Variants in FOXP1 observed in about 807,000 individuals in gnomAD.
The protein encoded by FOXP1 is forkhead box protein P1.
In FOXP1, 15 loss-of-function variants were observed where a neutral mutation model predicts 98.2. The ratio of observed to expected loss-of-function variants is 0.15; its 90% CI spans 0.10 to 0.24. FOXP1 has a LOEUF of 0.24. FOXP1 is among the 10% of genes least tolerant of loss of function. The probability of loss-of-function intolerance (pLI) is 1.00; values close to 1 mark genes in which losing one functional copy is unlikely to be tolerated. For synonymous variants in FOXP1, 371 were observed against 314.5 expected (o/e 1.18, Z -1.90); for missense variants, 633 against 848.5 (o/e 0.75, Z 3.15).
rs2048371837 is a variant in FOXP1, at chr3:71,583,662, ACACT to A, written c.-542_-539del. 8 of 984,014 alleles carry A rather than the reference ACACT, an allele frequency of 8.1e-6. No individual in the cohort carries two copies. Among genetic ancestry groups the A allele is most frequent in the South Asian group, 4.7e-5 (1 of 21,252 alleles). The allele number at this position is 984,014 out of a possible 1,614,324, so 61.0% of individuals were successfully genotyped here. On this transcript the variant is annotated 5_prime_UTR_variant, in exon 1 of 21. Transcript: ENST00000649528. ...CCGCCCGCGCGCGCACCCCGCGCAC[ACACT>A]CACTCGCGCACACACGCGCGCACAC...
At chr3:71,393,231 G>A (rs1052913819) in intron 3 of FOXP1, among the ~76,000 whole-genome samples, 14 of 151,944 alleles carry the variant, frequency 9.2e-5, no homozygotes, top group African/African-American at 3.4e-4. Flanking sequence ...GGTCAGGTTT[G>A]GTGTGAAAAT....
At chr3:71,486,952 G>C (rs1052641829) in intron 3 of FOXP1, among the ~76,000 whole-genome samples, 1 of 152,112 alleles carries the variant, frequency 6.6e-6, no homozygotes, top group African/African-American at 2.4e-5. Flanking sequence ...TATGCAAAAG[G>C]AAAATGTAAG....
intron 6 of FOXP1, chr3:71,130,758 C>T (rs981296433): frequency 2.8e-6 from 4 of 1,445,784 alleles, no homozygotes; most frequent in Non-Finnish European, 3.6e-6. Flanking sequence ...GACAAAGAAA[C>T]CACAAGAATT....
chr3:71,368,585 T>C (rs938223444), intron 3 of FOXP1, among the ~76,000 whole-genome samples: 5 of 124,264 alleles, frequency 4.0e-5, no homozygotes, highest in African/African-American at 1.2e-4. Context: ...CAAACCTCAG[T>C]AGCTAAAACC....
chr3:71,533,492 C>T (rs1472036616), intron 2 of FOXP1, among the ~76,000 whole-genome samples: 1 of 152,050 alleles, frequency 6.6e-6, no homozygotes, highest in African/African-American at 2.4e-5. Context: ...TGTTAATTGA[C>T]TGTTTATGTT....
intron 13 of FOXP1, among the ~76,000 whole-genome samples, 168 bp from the exon 14 acceptor site, chr3:70,988,245 C>T (rs541371772): frequency 2.6e-5 from 4 of 152,260 alleles, no homozygotes; most frequent in Admixed American, 6.5e-5. Flanking sequence ...TCGAAGTAAC[C>T]GGAGGTGTTG....
intron 11 of FOXP1, among the ~76,000 whole-genome samples, chr3:71,021,366 T>C (rs140155357): frequency 4.6e-5 from 7 of 152,364 alleles, no homozygotes; most frequent in Admixed American, 2.0e-4. Context: ...ACTGTAGCAT[T>C]TACTAGTACT....
chr3:71,306,360 A>G (rs1043110515), intron 4 of FOXP1, among the ~76,000 whole-genome samples: 1 of 152,132 alleles, frequency 6.6e-6, no homozygotes, highest in Non-Finnish European at 1.5e-5. Context: ...TAGTATACCC[A>G]TCCCTGGAGT....
intron 6 of FOXP1, among the ~76,000 whole-genome samples, chr3:71,143,114 G>A (rs1031307937): frequency 6.6e-6 from 1 of 152,164 alleles, no homozygotes; most frequent in East Asian, 1.9e-4. Flanking sequence ...GGTGAGGGAC[G>A]TCTTGGGAAA....
Position 71,232,987 on chromosome 3 carries a change from T to C in FOXP1, c.-11-34595A>G, listed in dbSNP as rs528974158. ...CGACTACTACTACTACTACTACTAA[T>C]AATAATAAAAACATAAGCTAGGTGT... is the stretch of plus-strand genomic sequence containing the variant. On this transcript the variant is annotated intron_variant, in intron 5 of 20. Transcript: ENST00000649528. Among the ~76,000 whole-genome samples, 7 of 147,190 alleles carry C rather than the reference T, an allele frequency of 4.8e-5. No individual in the cohort carries two copies. The South Asian group carries it at 1.1e-3, about 23-fold the overall frequency.
chr3:71,112,409 CA>C, intron 7 of FOXP1, 126 bp downstream of exon 7: 1 of 817,018 alleles, frequency 1.2e-6, no homozygotes, highest in African/African-American at 1.7e-5. Context: ...GCTGGTAAAC[CA>C]AAAATGCACT....
intron 4 of FOXP1, among the ~76,000 whole-genome samples, chr3:71,311,859 T>C (rs2074708355): frequency 6.6e-6 from 1 of 152,132 alleles, no homozygotes; most frequent in African/African-American, 2.4e-5. Context: ...TTCCATCCCA[T>C]TTCCTTTCCC....
chr3:71,544,585 A>G (rs923079549), intron 2 of FOXP1, among the ~76,000 whole-genome samples: 4 of 152,206 alleles, frequency 2.6e-5, no homozygotes, highest in Admixed American at 2.0e-4. Context: ...AGGAATGGCT[A>G]AACAATCTTT....
chr3:71,462,943 T>A (rs547439431), intron 3 of FOXP1, among the ~76,000 whole-genome samples: 1 of 152,294 alleles, frequency 6.6e-6, no homozygotes, highest in African/African-American at 2.4e-5. Flanking sequence ...AACCACCTCC[T>A]ACGCCCCATC....
chr3:71,199,041 A>G (rs1434616378), intron 5 of FOXP1, among the ~76,000 whole-genome samples: 3 of 151,604 alleles, frequency 2.0e-5, no homozygotes, highest in African/African-American at 7.3e-5. Context: ...CCAGCAAGTC[A>G]TCCTATAGAG....
At chr3:71,414,407 A>C (rs1230685254) in intron 3 of FOXP1, among the ~76,000 whole-genome samples, 1 of 152,178 alleles carries the variant, frequency 6.6e-6, no homozygotes, top group African/African-American at 2.4e-5. Context: ...AAGGCCAGGA[A>C]AATCCCAGTC....
chr3:71,005,790 T>C (rs1316571342), intron 12 of FOXP1, among the ~76,000 whole-genome samples: 1 of 152,158 alleles, frequency 6.6e-6, no homozygotes, highest in Admixed American at 6.6e-5. Flanking sequence ...GCTTCCTTTC[T>C]GCCTGTGAGA....
At chr3:71,403,197 T>C (rs1297385405) in intron 3 of FOXP1, among the ~76,000 whole-genome samples, 1 of 152,216 alleles carries the variant, frequency 6.6e-6, no homozygotes, top group Non-Finnish European at 1.5e-5. Context: ...TCCTCATGTG[T>C]TCATGTGTGG....
In FOXP1 at chr3:70,977,914, G is replaced by T. The variant is rs1370366831; in HGVS notation, c.1262C>A (p.Pro421His). Residue 421 changes from proline (P) to histidine (H), a missense_variant, in exon 15 of 21, where the codon CCC becomes CAC. Transcript: ENST00000649528. ...CATGCTGGTGGTTGTGATGACAGAG[G>T]GGCCTTGGGTGACGGGAGTCAGGGG... ...TAPLTPVTQG[P>H]SVITTTSMHT... The T allele has an allele frequency of 6.2e-7, 1 of 1,614,194 alleles. No individual in the cohort carries two copies. The highest frequency in any genetic ancestry group is 1.1e-5 in the South Asian group (1 of 91,084).
Sources: allele counts gnomAD v4.1 joint callset (sites outside exome capture counted in the v4.1 genomes callset), GRCh38; gene constraint gnomAD v4.1.1; transcripts MANE v1.5; gene names NCBI Gene and HGNC (gene_info 2026-07-23, HGNC 2026-07-21).